TBC1D9B: variants seen among roughly 807,000 people sequenced by gnomAD.
TBC1D9B encodes TBC1 domain family, member 9B (with GRAM domain).
Under a neutral mutation model 121.1 loss-of-function variants are expected in TBC1D9B, and 87 were observed. The ratio of observed to expected loss-of-function variants is 0.72; its 90% CI spans 0.60 to 0.86. The LOEUF (loss-of-function observed/expected upper bound fraction) is 0.86, where lower values mean the gene tolerates loss of function less well. Among genes scored for constraint, TBC1D9B ranks in the 40% least tolerant of loss-of-function variants. TBC1D9B has a pLI of 0.00. For missense variants in TBC1D9B, 1,540 were observed against 1,628.6 expected, an observed-to-expected ratio of 0.95 and a Z score of 0.94; for synonymous variants, 668 against 670.1, an observed-to-expected ratio of 1.00 and a Z score of 0.05.
rs1158176298 is a variant in TBC1D9B at position 179,907,672 on chromosome 5, C to T, written c.118+32G>A. 7.1e-6 allele frequency: 7 copies of T among 988,448 alleles called. No homozygotes were observed. The highest frequency in any genetic ancestry group is 8.4e-6 in the Non-Finnish European group (7 of 828,888). 61.2% of individuals were successfully genotyped at this position (988,448 alleles called of 1,614,324 possible). ...CCCCGCCGCCAGCCCAGCCGCGGCG[C>T]CCACAGGCCCGGCCGCCCGCGCGCC... is the stretch of plus-strand genomic sequence containing the variant. On this transcript the variant is annotated intron_variant, in intron 1 of 20. Transcript: ENST00000355235. This position sits in a 1 kb window ranked among gnomAD's most constrained non-coding sequence, Gnocchi z 5.3.
rs200571563 is a variant in TBC1D9B at position 179,891,577 on chromosome 5, G to A, written c.846C>T (p.Asp282=). Residue 282 remains aspartate (D), a synonymous_variant, in exon 6 of 21, where the codon GAC becomes GAT. Coordinates refer to ENST00000355235, the MANE Select transcript of TBC1D9B (RefSeq NM_015043.4). The surrounding 1 kb of genome is among the most constrained non-coding windows in gnomAD (Gnocchi z 4.3). ...RNISALKRDL[D]ARAKNECYRA... Reference sequence around the variant, plus strand: ...GGTAGCACTCATTCTTGGCTCGGGCGTCCAGGTCTCTGGGGAAACAAGGTA... The same window carrying A: ...GGTAGCACTCATTCTTGGCTCGGGCATCCAGGTCTCTGGGGAAACAAGGTA... 216 of 1,612,732 alleles carry A rather than the reference G, an allele frequency of 1.3e-4. No homozygotes were observed. Among genetic ancestry groups the A allele is most frequent in the Non-Finnish European group, 1.3e-4 (153 of 1,179,872 alleles).
rs1759864412 is a variant in TBC1D9B at position 179,862,269 on chromosome 5, T to C, written c.*1179A>G. The C allele has an allele frequency of 7.6e-6, 2 of 263,714 alleles. No individual in the cohort carries two copies. The highest frequency in any genetic ancestry group is 4.3e-5 in the African/African-American group (2 of 46,018). The allele number at this position is 263,714 out of a possible 1,614,324, so 16.3% of individuals were successfully genotyped here. A position where few individuals can be genotyped will look rare whatever the true frequency, so the allele number is the denominator to read the frequency against. ...TATCCCCTGTGGATAAGGGGGTAACTGCTGTATCTTTTAGTAGAAGCAAGA... is the reference window on the plus strand; with the variant it reads ...TATCCCCTGTGGATAAGGGGGTAACCGCTGTATCTTTTAGTAGAAGCAAGA... On this transcript the variant is annotated 3_prime_UTR_variant, in exon 21 of 21. Coordinates refer to ENST00000355235, the MANE Select transcript of TBC1D9B (RefSeq NM_015043.4).
In TBC1D9B at chr5:179,875,616, C is replaced by T. The variant is rs1334583112; in HGVS notation, c.1900+304G>A. Among the ~76,000 whole-genome samples the T allele has an allele frequency of 6.6e-6, 1 of 152,158 alleles. No individual in the cohort carries two copies. The highest frequency in any genetic ancestry group is 1.5e-5 in the Non-Finnish European group (1 of 68,034). On this transcript the variant is annotated intron_variant, in intron 11 of 20. Transcript: ENST00000355235. The surrounding 1 kb of genome is among the most constrained non-coding windows in gnomAD (Gnocchi z 4.5). Reference sequence around the variant, plus strand: ...ATTAAACACTCTTGCAAGTCCATTTCCACTTCATAACAGATTTCACTGGAT... The same window carrying T: ...ATTAAACACTCTTGCAAGTCCATTTTCACTTCATAACAGATTTCACTGGAT...
rs1554098283 is a variant in TBC1D9B at position 179,904,220 on chromosome 5, C to CTTTCTTTT, written c.229+481_229+482insAAAAGAAA. The stretch of plus-strand genomic sequence containing the variant: ...CTGTCCCCATGACCAGTGGAGCTGC[C>CTTTCTTTT]TTTTTTTTTTTTTTTTTTTTTTGAG... On this transcript the variant is annotated intron_variant, in intron 2 of 20. Coordinates refer to ENST00000355235, the MANE Select transcript of TBC1D9B (RefSeq NM_015043.4). This position sits in a 1 kb window ranked among gnomAD's most constrained non-coding sequence, Gnocchi z 4.2. Among the ~76,000 whole-genome samples the CTTTCTTTT allele has an allele frequency of 9.3e-4, 75 of 80,902 alleles. 5 individuals are homozygous for CTTTCTTTT. The highest frequency in any genetic ancestry group is 7.4e-3 in the Middle Eastern group (1 of 136). 53.1% of individuals were successfully genotyped at this position (80,902 alleles called of 152,430 possible).
chr5:179,907,619 A>ACCGGAC lies in TBC1D9B; in HGVS notation c.118+79_118+84dup. On this transcript the variant is annotated intron_variant, in intron 1 of 20. Coordinates refer to ENST00000355235, the MANE Select transcript of TBC1D9B (RefSeq NM_015043.4). The surrounding 1 kb of genome is among the most constrained non-coding windows in gnomAD (Gnocchi z 5.3). ...CGCGACGCGCCGAGGCCGGGCCGGA[A>ACCGGAC]CCGGACCCGCCCGCCGCCCGCCGCC... is the stretch of plus-strand genomic sequence containing the variant. 1 of 736,200 alleles carries ACCGGAC rather than the reference A, an allele frequency of 1.4e-6. No individual in the cohort carries two copies. The highest frequency in any genetic ancestry group is 5.8e-5 in the South Asian group (1 of 17,182). 45.6% of individuals were successfully genotyped at this position (736,200 alleles called of 1,614,324 possible).
chr5:179,888,849 G>T (rs1417916013), intron 6 of TBC1D9B, among the ~76,000 whole-genome samples: 16 of 152,184 alleles, frequency 1.1e-4, no homozygotes, highest in Admixed American at 1.0e-3. Context: ...GAAGAGGGAA[G>T]GCTGGGTGGT....
At position 179,891,717 on chromosome 5, in the gene TBC1D9B, G is replaced by T. The variant is rs947408252; in HGVS notation, c.837-131C>A. On this transcript the variant is annotated intron_variant, in intron 5 of 20. Coordinates refer to ENST00000355235, the MANE Select transcript of TBC1D9B (RefSeq NM_015043.4). The surrounding 1 kb of genome is among the most constrained non-coding windows in gnomAD (Gnocchi z 4.3). ...CAGGATCCCTGGGGTGGTCCCTTGA[G>T]CAAGTCATGCTCAGGGACCTCAGAG... The T allele has an allele frequency of 3.2e-6, 3 of 947,110 alleles. No homozygotes were observed. The highest frequency in any genetic ancestry group is 1.6e-5 in the African/African-American group (1 of 60,962). 58.7% of individuals were successfully genotyped at this position (947,110 alleles called of 1,614,324 possible).
At chr5:179,899,798 C>T (rs981870266) in intron 2 of TBC1D9B, among the ~76,000 whole-genome samples, 1 of 152,200 alleles carries the variant, frequency 6.6e-6, no homozygotes, top group South Asian at 2.1e-4. Context: ...GGCCCCTGGC[C>T]AGCGAGGCTC....
intron 3 of TBC1D9B, among the ~76,000 whole-genome samples, chr5:179,898,748 C>G (rs868823552): frequency 1.1e-4 from 16 of 152,170 alleles, no homozygotes; most frequent in African/African-American, 3.6e-4. Context: ...CACACCTGGC[C>G]CTTTAAACTG....
intron 7 of TBC1D9B, 82 bp downstream of exon 7, chr5:179,888,021 C>T: frequency 6.4e-7 from 1 of 1,553,328 alleles, no homozygotes; most frequent in Non-Finnish European, 8.9e-7. Flanking sequence ...ACCATGGGGT[C>T]AGGCTCCAGC....
Position 179,875,087 on chromosome 5 carries a change from C to T in TBC1D9B, c.2001G>A (p.Ser667=), listed in dbSNP as rs760690135. 2.5e-5 allele frequency: 41 copies of T among 1,613,982 alleles called. No individual in the cohort carries two copies. In the Admixed American group the frequency reaches 5.2e-4, roughly 20 times the overall value. The change falls in exon 12 of 21, where the codon TCG becomes TCA. Residue 667 remains serine (S), a synonymous_variant. Transcript: ENST00000355235. The surrounding 1 kb of genome is among the most constrained non-coding windows in gnomAD (Gnocchi z 4.5). ...MQDLGVISSI[S]LSWFLTLFLS... The stretch of plus-strand genomic sequence containing the variant: ...GGAAGAGGGTCAGGAACCAGGACAG[C>T]GAGATGCTGGAGATCACCCCCAGGT...
At position 179,885,483 on chromosome 5, in the gene TBC1D9B, G is replaced by A. The variant is rs543004225; in HGVS notation, c.1254+2620C>T. 6.6e-6 allele frequency among the ~76,000 whole-genome samples: 1 copy of A among 152,180 alleles called. No homozygotes were observed. The highest frequency in any genetic ancestry group is 1.9e-4 in the East Asian group (1 of 5,170). On this transcript the variant is annotated intron_variant, in intron 7 of 20. Transcript: ENST00000355235. The surrounding 1 kb of genome is among the most constrained non-coding windows in gnomAD (Gnocchi z 4.5). ...GGACGCCTGTAATCCCAGCTACTCG[G>A]GAGGCTGAGGCAGGAGAATCACTTG... is the stretch of plus-strand genomic sequence containing the variant.
chr5:179,898,371 T>TCGC (rs2113646176), intron 3 of TBC1D9B, among the ~76,000 whole-genome samples: 1 of 152,192 alleles, frequency 6.6e-6, no homozygotes, highest in East Asian at 1.9e-4. Context: ...GCCAGGATGG[T>TCGC]CGCGATCTCC....
At position 179,875,118 on chromosome 5, in the gene TBC1D9B, A is replaced by G; in HGVS notation, c.1970T>C (p.Met657Thr). 1.2e-6 allele frequency: 2 copies of G among 1,614,016 alleles called. No individual in the cohort carries two copies. The highest frequency in any genetic ancestry group is 1.1e-5 in the South Asian group (1 of 91,088). ...GCTGGAGATCACCCCCAGGTCCTGCATCTTCTCCGAGAGCTGCGGCAGGAA... is the reference window on the plus strand; with the variant it reads ...GCTGGAGATCACCCCCAGGTCCTGCGTCTTCTCCGAGAGCTGCGGCAGGAA... ...RDFLPQLSEK[M>T]QDLGVISSIS... Residue 657 changes from methionine (M) to threonine (T), a missense_variant, in exon 12 of 21, where the codon ATG (methionine) becomes ACG (threonine). Transcript: ENST00000355235. The surrounding 1 kb of genome is among the most constrained non-coding windows in gnomAD (Gnocchi z 4.5).
In TBC1D9B at chr5:179,885,139, GC is replaced by G. The variant is rs1760641376; in HGVS notation, c.1254+2963del. 6.6e-6 allele frequency among the ~76,000 whole-genome samples: 1 copy of G among 152,116 alleles called. No homozygotes were observed. Among genetic ancestry groups the G allele is most frequent in the Non-Finnish European group, 1.5e-5 (1 of 68,030 alleles). On this transcript the variant is annotated intron_variant, in intron 7 of 20. Transcript: ENST00000355235. The surrounding 1 kb of genome is among the most constrained non-coding windows in gnomAD (Gnocchi z 4.5). ...TCTTGCCACTCTCTAGTCCAGCACT[GC>G]CCAAGAGAGATGATGAGAGCCACAA...
chr5:179,875,226 C>T lies in TBC1D9B; in HGVS notation c.1901-39G>A, dbSNP rs2113614234. The T allele has an allele frequency of 6.3e-7, 1 of 1,598,798 alleles. No individual in the cohort carries two copies. The highest frequency in any genetic ancestry group is 1.1e-5 in the South Asian group (1 of 89,896). ...GAGCGAGGCTGATGGTGAGCCCACC[C>T]TGTGGCCTGGGTGGGCCCTCACCTG... On this transcript the variant is annotated intron_variant, in intron 11 of 20. Transcript: ENST00000355235. The surrounding 1 kb of genome is among the most constrained non-coding windows in gnomAD (Gnocchi z 4.5).
chr5:179,907,599 C>T lies in TBC1D9B; in HGVS notation c.118+105G>A. The T allele has an allele frequency of 1.8e-6, 1 of 569,024 alleles. No individual in the cohort carries two copies. The highest frequency in any genetic ancestry group is 2.2e-6 in the Non-Finnish European group (1 of 452,122). The allele number at this position is 569,024 out of a possible 1,614,324, so 35.2% of individuals were successfully genotyped here. ...GCGCTGGCGTGCGTGTCCGCCGCGA[C>T]GCGCCGAGGCCGGGCCGGAACCGGA... On this transcript the variant is annotated intron_variant, in intron 1 of 20. Transcript: ENST00000355235. The surrounding 1 kb of genome is among the most constrained non-coding windows in gnomAD (Gnocchi z 5.3).
chr5:179,878,241 C>T (rs1343524940), intron 10 of TBC1D9B, 68 bp downstream of exon 10: 1 of 1,523,392 alleles, frequency 6.6e-7, no homozygotes, highest in Non-Finnish European at 8.9e-7. Flanking sequence ...GGCCTGGGAC[C>T]ACAGGGACCT....
chr5:179,882,970 T>C (rs1415976234), intron 7 of TBC1D9B, among the ~76,000 whole-genome samples: 2 of 152,204 alleles, frequency 1.3e-5, no homozygotes, highest in South Asian at 2.1e-4. Flanking sequence ...GTGATTCTTG[T>C]GCCTCAGCCT....
Sources: allele counts gnomAD v4.1 joint callset (sites outside exome capture counted in the v4.1 genomes callset), GRCh38; gene constraint gnomAD v4.1.1; non-coding constraint Gnocchi (gnomAD v3.1); transcripts MANE v1.5; gene names NCBI Gene and HGNC (gene_info 2026-07-23, HGNC 2026-07-21).